FMN1: variants seen among roughly 807,000 people sequenced by gnomAD.
The protein encoded by FMN1 is formin-1.
In FMN1, 110 loss-of-function variants were observed where a neutral mutation model predicts 132.4. The observed-to-expected ratio is 0.83, with a 90% CI of 0.71 to 0.97. The LOEUF is 0.97. FMN1 is among the 50% of genes least tolerant of loss of function. The pLI is 0.00. For synonymous variants in FMN1, 722 were observed against 651.7 expected (o/e 1.11, Z -1.64); for missense variants, 1,792 against 1,705.3 (o/e 1.05, Z -0.90).
chr15:32,932,942 T>C (rs2061157873), intron 9 of FMN1, among the ~76,000 whole-genome samples: 1 of 152,148 alleles, frequency 6.6e-6, no homozygotes, highest in Admixed American at 6.5e-5. Context: ...CCAACTCGGT[T>C]GTGTTGACTA....
intron 6 of FMN1, chr15:33,064,742 T>C: frequency 2.7e-6 from 1 of 370,764 alleles, no homozygotes; most frequent in Non-Finnish European, 4.9e-6. Context: ...ATTCCCCCTT[T>C]CATTCATTCC....
At chr15:32,800,556 G>A (rs1025946433) in intron 18 of FMN1, among the ~76,000 whole-genome samples, 1 of 152,132 alleles carries the variant, frequency 6.6e-6, no homozygotes, top group East Asian at 1.9e-4. Flanking sequence ...CATAAGTAGA[G>A]AGTTATATAA....
At chr15:33,002,031 G>A (rs1306051733) in intron 7 of FMN1, among the ~76,000 whole-genome samples, 1 of 152,126 alleles carries the variant, frequency 6.6e-6, no homozygotes, top group African/African-American at 2.4e-5. Context: ...CCCTTCAAGT[G>A]TATGGTTAAA....
intron 16 of FMN1, among the ~76,000 whole-genome samples, chr15:32,882,736 T>A (rs909063464): frequency 5.9e-5 from 9 of 151,738 alleles, no homozygotes; most frequent in Admixed American, 5.9e-4. Flanking sequence ...CACTTACATT[T>A]AAAAAAAAAC....
chr15:33,123,243 T>C (rs981346672), intron 4 of FMN1, among the ~76,000 whole-genome samples: 4 of 151,998 alleles, frequency 2.6e-5, no homozygotes, highest in African/African-American at 9.7e-5. Context: ...TTCTAACTTA[T>C]TTCTGTCCAC....
chr15:33,111,459 C>T (rs150464489), intron 4 of FMN1, among the ~76,000 whole-genome samples: 2,228 of 152,224 alleles, frequency 0.015, 25 homozygotes, highest in Non-Finnish European at 0.023. Flanking sequence ...GAATACAACT[C>T]AGCAATTTCA....
intron 3 of FMN1, among the ~76,000 whole-genome samples, chr15:33,159,755 G>GT (rs1271347175): frequency 2.0e-5 from 3 of 152,218 alleles, no homozygotes; most frequent in African/African-American, 7.2e-5. Context: ...AAACATGGCA[G>GT]TGAATATCAG....
intron 17 of FMN1, among the ~76,000 whole-genome samples, chr15:32,817,522 T>C (rs1225836777): frequency 6.6e-6 from 1 of 152,128 alleles, no homozygotes; most frequent in African/African-American, 2.4e-5. Context: ...AGTATCTAGG[T>C]GTGATGAAGG....
intron 19 of FMN1, among the ~76,000 whole-genome samples, chr15:32,787,429 C>G (rs773463670): frequency 6.6e-6 from 1 of 152,186 alleles, no homozygotes; most frequent in Non-Finnish European, 1.5e-5. Flanking sequence ...GCTCTGGCAC[C>G]GACCACCTCC....
intron 6 of FMN1, among the ~76,000 whole-genome samples, chr15:33,055,304 C>T (rs1308838351): frequency 7.9e-5 from 12 of 152,092 alleles, no homozygotes; most frequent in African/African-American, 2.9e-4. Flanking sequence ...CCTGGAAGTC[C>T]CCCCACCCCT....
intron 19 of FMN1, among the ~76,000 whole-genome samples, chr15:32,792,761 G>A (rs1207975548): frequency 6.6e-6 from 1 of 152,164 alleles, no homozygotes; most frequent in Non-Finnish European, 1.5e-5. Flanking sequence ...AGGTTGTGCA[G>A]TCCCCTTCCC....
chr15:32,808,647 A>G (rs1192831595), intron 17 of FMN1, among the ~76,000 whole-genome samples: 1 of 152,200 alleles, frequency 6.6e-6, no homozygotes, highest in African/African-American at 2.4e-5. Context: ...TCTACCTTGC[A>G]AAGTGCTTGT....
At chr15:33,070,594 A>G (rs540691364) in intron 5 of FMN1, among the ~76,000 whole-genome samples, 1 of 152,076 alleles carries the variant, frequency 6.6e-6, no homozygotes, top group African/African-American at 2.4e-5. Context: ...TGCCAACACA[A>G]TTTCATGGGA....
chr15:32,891,046 G>C (rs781082646), intron 15 of FMN1, among the ~76,000 whole-genome samples: 2 of 152,174 alleles, frequency 1.3e-5, no homozygotes, highest in South Asian at 2.1e-4. Context: ...TCAGTTGGCT[G>C]TAAGTATTTG....
intron 16 of FMN1, among the ~76,000 whole-genome samples, chr15:32,879,301 G>T (rs1266786303): frequency 6.6e-6 from 1 of 152,108 alleles, no homozygotes; most frequent in Non-Finnish European, 1.5e-5. Context: ...TGGCAACATG[G>T]TCAGGACTCT....
rs934996411 is a variant in FMN1 at position 32,778,175 on chromosome 15, CATTT to C, written c.4131-1260_4131-1257del. ...TACATTTATTATATATTATATAATA[CATTT>C]ATTTATATATTATATAATACATTTA... is the stretch of plus-strand genomic sequence containing the variant. On this transcript the variant is annotated intron_variant, in intron 19 of 20. Coordinates refer to ENST00000616417, the MANE Select transcript of FMN1 (RefSeq NM_001277313.2). Among the ~76,000 whole-genome samples the C allele has an allele frequency of 9.6e-5, 9 of 93,722 alleles. 1 individual carries two copies. The highest frequency in any genetic ancestry group is 2.3e-4 in the Admixed American group (2 of 8,644). The allele number at this position is 93,722 out of a possible 152,430, so 61.5% of individuals were successfully genotyped here.
chr15:33,123,134 C>T (rs999627950), intron 4 of FMN1, among the ~76,000 whole-genome samples: 22 of 146,906 alleles, frequency 1.5e-4, no homozygotes, highest in East Asian at 1.9e-4. Flanking sequence ...ATCGTCAAGC[C>T]TTGTGGATCT....
intron 14 of FMN1, among the ~76,000 whole-genome samples, chr15:32,899,359 G>A (rs1371374978): frequency 2.6e-5 from 4 of 152,334 alleles, no homozygotes; most frequent in Non-Finnish European, 4.4e-5. Context: ...CCAGTGGGGA[G>A]CAGGCCCTCC....
At chr15:32,811,244 T>C (rs1228664225) in intron 17 of FMN1, 1 of 368,040 alleles carries the variant, frequency 2.7e-6, no homozygotes, top group African/African-American at 2.1e-5. Context: ...TCCTAAGTTA[T>C]TAGTTTTCCT....
Sources: gnomAD v4.1 joint callset for allele counts (sites outside exome capture counted in the v4.1 genomes callset) on GRCh38, gnomAD v4.1.1 for gene constraint, MANE v1.5 for transcripts, NCBI Gene and HGNC (gene_info 2026-07-23, HGNC 2026-07-21) for gene names.